Variants in MIA2 observed in about 807,000 individuals in gnomAD.
MIA2 encodes melanoma inhibitory activity protein 2.
MIA2 carries 127 observed loss-of-function variants against 167.8 expected under a neutral mutation model. That is an observed-to-expected ratio of 0.76 (90% CI 0.66 to 0.88). MIA2 has a LOEUF of 0.88. Ranked by LOEUF, MIA2 falls within the 40% of genes least tolerant of loss-of-function variation. The probability of loss-of-function intolerance (pLI) is 0.00; values close to 1 mark genes in which losing one functional copy is unlikely to be tolerated. For missense variants in MIA2, 1,690 were observed against 1,624.7 expected, an observed-to-expected ratio of 1.04 and a Z score of -0.69; for synonymous variants, 552 against 541.9, an observed-to-expected ratio of 1.02 and a Z score of -0.26.
intron 23 of MIA2, among the ~76,000 whole-genome samples, chr14:39,372,301 G>A (rs11847294): frequency 1.6e-4 from 24 of 151,156 alleles, no homozygotes; most frequent in African/African-American, 4.1e-4. Flanking sequence ...GTGTGAAAAC[G>A]TAAAAAAAAA....
rs35159773 is a variant in MIA2, at chr14:39,286,696, C to CTTTTTTTTTTTTTTTTTTTTTTT, written c.2131-4308_2131-4307insTTTTTTTTTTTTTTTTTTTTTTT. On this transcript the variant is annotated intron_variant, in intron 9 of 28. Transcript: ENST00000640607. Reference sequence around the variant, plus strand: ...TTATCCTTCTCTTCCTTCCTTCTTACTTTTTTTTTTTTTTTGAGACAGGCT... The same window carrying CTTTTTTTTTTTTTTTTTTTTTTT: ...TTATCCTTCTCTTCCTTCCTTCTTACTTTTTTTTTTTTTTTTTTTTTTTTTTTTTTTTTTTTTTGAGACAGGCT... Among the ~76,000 whole-genome samples, 2 of 142,690 alleles carry CTTTTTTTTTTTTTTTTTTTTTTT rather than the reference C, an allele frequency of 1.4e-5. 1 individual carries two copies. Among genetic ancestry groups the CTTTTTTTTTTTTTTTTTTTTTTT allele is most frequent in the African/African-American group, 5.2e-5 (2 of 38,722 alleles). 93.6% of individuals were successfully genotyped at this position (142,690 alleles called of 152,430 possible).
intron 6 of MIA2, chr14:39,267,622 C>G: frequency 2.1e-6 from 3 of 1,405,596 alleles, no homozygotes; most frequent in Non-Finnish European, 2.9e-6. Flanking sequence ...CCGCCGTGGT[C>G]AGAGGTCCCG....
chr14:39,246,732 T>G (rs1313996378), intron 3 of MIA2, among the ~76,000 whole-genome samples, 179 bp from the exon 4 acceptor site: 1 of 152,168 alleles, frequency 6.6e-6, no homozygotes, highest in South Asian at 2.1e-4. Context: ...AGGTTTTTCA[T>G]TTAGGTTTAC....
At chr14:39,316,141 C>A (rs1450942918) in intron 21 of MIA2, among the ~76,000 whole-genome samples, 1 of 152,172 alleles carries the variant, frequency 6.6e-6, no homozygotes, top group Non-Finnish European at 1.5e-5. Flanking sequence ...AATTCAGTTA[C>A]CTGATCCTCA....
chr14:39,260,789 A>C (rs982001049), intron 6 of MIA2, among the ~76,000 whole-genome samples: 4 of 152,082 alleles, frequency 2.6e-5, no homozygotes, highest in Non-Finnish European at 5.9e-5. Context: ...GTCCATGCCT[A>C]TGTCCTGAAT....
At chr14:39,298,520 G>A (rs1162320212) in intron 13 of MIA2, among the ~76,000 whole-genome samples, 2 of 57,196 alleles carry the variant, frequency 3.5e-5, no homozygotes, top group Non-Finnish European at 6.8e-5. Flanking sequence ...TTACTGTTTG[G>A]TAGAACAGAG....
At chr14:39,282,857 G>A (rs1363201327) in intron 9 of MIA2, among the ~76,000 whole-genome samples, 1 of 152,196 alleles carries the variant, frequency 6.6e-6, no homozygotes, top group Non-Finnish European at 1.5e-5. Flanking sequence ...ACAGGCATGA[G>A]CCACCATACC....
intron 1 of MIA2, among the ~76,000 whole-genome samples, chr14:39,235,170 G>A (rs938204713): frequency 4.0e-5 from 6 of 151,596 alleles, no homozygotes; most frequent in Admixed American, 6.6e-5. Flanking sequence ...CAAGTTGCTG[G>A]GATTATAGGC....
intron 12 of MIA2, 48 bp from the exon 13 acceptor site, chr14:39,294,877 A>G (rs781420354): frequency 3.3e-6 from 4 of 1,196,396 alleles, no homozygotes; most frequent in Non-Finnish European, 5.0e-6. Context: ...AAGATGAGCT[A>G]TGTATTAAAT....
intron 23 of MIA2, among the ~76,000 whole-genome samples, chr14:39,381,996 G>C (rs1179859526): frequency 6.6e-6 from 1 of 152,130 alleles, no homozygotes; most frequent in Non-Finnish European, 1.5e-5. Context: ...CCCTAGTTCA[G>C]CTAACTAGGA....
chr14:39,361,343 G>C (rs867751015), intron 23 of MIA2, among the ~76,000 whole-genome samples: 1 of 151,676 alleles, frequency 6.6e-6, no homozygotes, highest in South Asian at 2.1e-4. Context: ...AGTTTTCCTT[G>C]TGAAGGCCTT....
chr14:39,309,098 A>G (rs2063796173), intron 18 of MIA2, among the ~76,000 whole-genome samples: 2 of 152,134 alleles, frequency 1.3e-5, no homozygotes, highest in African/African-American at 4.8e-5. Flanking sequence ...CAGCTTTTTT[A>G]TAGCCTGAAT....
At chr14:39,238,797 A>AAAAAAAAAAAAAAAAAAAAAC (rs2053896184) in intron 2 of MIA2, among the ~76,000 whole-genome samples, 1 of 144,130 alleles carries the variant, frequency 6.9e-6, no homozygotes, top group African/African-American at 2.6e-5. Flanking sequence ...CTGTCTCAAA[A>AAAAAAAAAAAAAAAAAAAAAC]AAAAAAAAAA....
chr14:39,337,699 T>G (rs1282301897), intron 25 of MIA2, among the ~76,000 whole-genome samples: 3 of 152,134 alleles, frequency 2.0e-5, no homozygotes, highest in Non-Finnish European at 2.9e-5. Flanking sequence ...GTTTACATAC[T>G]GTGTTATTCC....
intron 23 of MIA2, among the ~76,000 whole-genome samples, chr14:39,379,928 A>C (rs1375777074): frequency 6.7e-6 from 1 of 149,730 alleles, no homozygotes; most frequent in East Asian, 2.0e-4. Flanking sequence ...AACAAAAAAC[A>C]ACAACAACAA....
intron 6 of MIA2, among the ~76,000 whole-genome samples, chr14:39,260,256 G>C (rs1434691805): frequency 6.6e-6 from 1 of 152,174 alleles, no homozygotes; most frequent in Admixed American, 6.5e-5. Flanking sequence ...GGTATTTCTA[G>C]CTTTAGATCC....
At chr14:39,325,239 T>A (rs199878158) in intron 24 of MIA2, among the ~76,000 whole-genome samples, 83 of 151,260 alleles carry the variant, frequency 5.5e-4, no homozygotes, top group African/African-American at 1.1e-3. Flanking sequence ...AAAAAAAAAA[T>A]GTTTTTAAAG....
At chr14:39,373,247 T>A (rs1308787056) in intron 23 of MIA2, among the ~76,000 whole-genome samples, 1 of 151,440 alleles carries the variant, frequency 6.6e-6, no homozygotes, top group Non-Finnish European at 1.5e-5. Flanking sequence ...TATCTGTAAT[T>A]GCTTTATCAA....
chr14:39,273,834 C>T (rs1334312457), intron 6 of MIA2, among the ~76,000 whole-genome samples: 1 of 152,070 alleles, frequency 6.6e-6, no homozygotes, highest in Non-Finnish European at 1.5e-5. Context: ...AGGGTAAATA[C>T]CAGCCTCATA....
Sources: gnomAD v4.1 joint callset for allele counts (sites outside exome capture counted in the v4.1 genomes callset) on GRCh38, gnomAD v4.1.1 for gene constraint, MANE v1.5 for transcripts, NCBI Gene and HGNC (gene_info 2026-07-23, HGNC 2026-07-21) for gene names.